The following CAPRIN1 variants were observed in gnomAD, a reference collection of about 807,000 sequenced individuals.
CAPRIN1 encodes caprin-1.
Under a neutral mutation model 100.9 loss-of-function variants are expected in CAPRIN1, and 29 were observed. The ratio of observed to expected loss-of-function variants is 0.29; its 90% CI spans 0.21 to 0.39. The LOEUF (loss-of-function observed/expected upper bound fraction) is 0.39, where lower values mean the gene tolerates loss of function less well. Ranked by LOEUF, CAPRIN1 falls within the 10% of genes least tolerant of loss-of-function variation. CAPRIN1 has a pLI of 1.00. For synonymous variants in CAPRIN1, 338 were observed against 307.5 expected, an observed-to-expected ratio of 1.10 and a Z score of -1.04; for missense variants, 795 against 876.7, an observed-to-expected ratio of 0.91 and a Z score of 1.18.
At chr11:34,075,001 A>G (rs928550227) in intron 4 of CAPRIN1, among the ~76,000 whole-genome samples, 4 of 152,188 alleles carry the variant, frequency 2.6e-5, no homozygotes, top group African/African-American at 9.7e-5. Context: ...AGCCTTGGAA[A>G]CATAGACCTT....
chr11:34,055,863 T>G (rs1447907314), intron 2 of CAPRIN1: 1 of 152,210 alleles, frequency 6.6e-6, no homozygotes, highest in Non-Finnish European at 1.5e-5. Context: ...TGTTAAGTAG[T>G]TAAGTTGGCA....
chr11:34,069,106 T>A (rs1023189074), intron 2 of CAPRIN1, among the ~76,000 whole-genome samples: 1 of 151,528 alleles, frequency 6.6e-6, no homozygotes, highest in Non-Finnish European at 1.5e-5. Context: ...GATTATAATA[T>A]TATTATTTTG....
chr11:34,071,586 TAAACTG>T (rs1398258256), intron 2 of CAPRIN1, 134 bp from the exon 3 acceptor site: 2 of 634,638 alleles, frequency 3.2e-6, no homozygotes, highest in East Asian at 5.7e-5. Context: ...TTTATGTACT[TAAACTG>T]GAATATATCT....
At chr11:34,060,580 C>G (rs1253220949) in intron 2 of CAPRIN1, among the ~76,000 whole-genome samples, 1 of 152,198 alleles carries the variant, frequency 6.6e-6, no homozygotes, top group African/African-American at 2.4e-5. Flanking sequence ...TGGGCTTACA[C>G]TTTGAGTTAC....
intron 1 of CAPRIN1, 107 bp from the exon 2 acceptor site, chr11:34,052,314 G>A (rs1372157976): frequency 1.2e-5 from 11 of 950,674 alleles, no homozygotes; most frequent in African/African-American, 3.4e-5. Flanking sequence ...GCTCGCGTAG[G>A]CTACCGCTCG....
chr11:34,057,219 TGC>T (rs1324828603), intron 2 of CAPRIN1, among the ~76,000 whole-genome samples: 1 of 152,254 alleles, frequency 6.6e-6, no homozygotes, highest in Non-Finnish European at 1.5e-5. Flanking sequence ...TCTTCTGCAA[TGC>T]AGAGGGCAAG....
At chr11:34,067,866 C>T (rs2134098830) in intron 2 of CAPRIN1, among the ~76,000 whole-genome samples, 1 of 152,204 alleles carries the variant, frequency 6.6e-6, no homozygotes, top group Non-Finnish European at 1.5e-5. Context: ...TCATAATGTT[C>T]CATGAAGATG....
chr11:34,099,306 G>A lies in CAPRIN1; in HGVS notation c.2069G>A (p.Arg690His), dbSNP rs939304200. 5 of 1,613,326 alleles carry A rather than the reference G, an allele frequency of 3.1e-6. No homozygotes were observed. Among genetic ancestry groups the A allele is most frequent in the African/African-American group, 1.3e-5 (1 of 74,886 alleles). Residue 690 changes from arginine (R) to histidine (H), a missense_variant, in exon 19 of 19, where the codon CGT (arginine) becomes CAT (histidine). Physicochemically the swap from Arg to His is conservative, Grantham distance 29. This residue lies in a region of CAPRIN1 where 648 missense variants were observed against 697.9 expected (regional missense o/e 0.93). Transcript: ENST00000341394. ...AAATGCCATTTTTGTCTTCTAGGTC[G>A]TGGAGGGCCCCCAAGACCCAACAGA... ...QSGPRGAPRG[R>H]GGPPRPNRGM...
In CAPRIN1 at chr11:34,097,191, T is replaced by G; in HGVS notation, c.1901-5T>G. ...AATTATTTCTTTTCTTGTCCTAAAT[T>G]TTAGGAGGATATGATGGTTACCGCC... On this transcript the variant is annotated splice_region_variant and splice_polypyrimidine_tract_variant and intron_variant, in intron 16 of 18. Transcript: ENST00000341394. 1 of 1,598,248 alleles carries G rather than the reference T, an allele frequency of 6.3e-7. No individual in the cohort carries two copies.
intron 9 of CAPRIN1, among the ~76,000 whole-genome samples, chr11:34,085,571 A>G (rs776934940): frequency 2.6e-5 from 4 of 152,204 alleles, no homozygotes; most frequent in Non-Finnish European, 5.9e-5. Context: ...TGGGATGCCA[A>G]GGCGGGTGGG....
chr11:34,096,630 A>G lies in CAPRIN1; in HGVS notation c.1857A>G (p.Arg619=). The G allele has an allele frequency of 6.2e-7, 1 of 1,610,672 alleles. No individual in the cohort carries two copies. Among genetic ancestry groups the G allele is most frequent in the African/African-American group, 1.3e-5 (1 of 74,966 alleles). ...CTCGTGGAGGCTCCCGTGGTGCTAGAGGCTTGATGAATGGATACCGGGGCC... is the reference window on the plus strand; with the variant it reads ...CTCGTGGAGGCTCCCGTGGTGCTAGGGGCTTGATGAATGGATACCGGGGCC... The part of the protein sequence containing the change: ...GVSRGGSRGA[R]GLMNGYRGPA... The change falls in exon 16 of 19, where the codon AGA becomes AGG. Residue 619 remains arginine (R), a synonymous_variant. Coordinates refer to ENST00000341394, the MANE Select transcript of CAPRIN1 (RefSeq NM_005898.5).
intron 4 of CAPRIN1, among the ~76,000 whole-genome samples, chr11:34,075,446 G>A (rs1397118792): frequency 3.3e-5 from 5 of 152,164 alleles, no homozygotes; most frequent in African/African-American, 1.2e-4. Flanking sequence ...TTTCCTTTCA[G>A]CCTTTCCAGG....
chr11:34,063,969 T>C (rs1449375412), intron 2 of CAPRIN1, among the ~76,000 whole-genome samples: 2 of 152,132 alleles, frequency 1.3e-5, no homozygotes, highest in Non-Finnish European at 2.9e-5. Context: ...GGTTTCTCCA[T>C]GTTGGTCAGG....
At chr11:34,089,709 C>T (rs1005655913) in intron 12 of CAPRIN1, among the ~76,000 whole-genome samples, 2 of 152,150 alleles carry the variant, frequency 1.3e-5, no homozygotes, top group Non-Finnish European at 2.9e-5. Flanking sequence ...GTGTCCAAGT[C>T]TTCTGTTGGA....
chr11:34,054,833 CATAAA>C (rs1216383339), intron 2 of CAPRIN1, among the ~76,000 whole-genome samples: 2 of 152,044 alleles, frequency 1.3e-5, no homozygotes, highest in African/African-American at 4.8e-5. Context: ...AGTAATTGAA[CATAAA>C]ATATTAATGA....
intron 2 of CAPRIN1, chr11:34,053,160 G>C: frequency 2.0e-6 from 2 of 987,878 alleles, no homozygotes; most frequent in Non-Finnish European, 2.4e-6. Flanking sequence ...TCTTCCGTAG[G>C]AGAGAAGTGT....
At chr11:34,089,981 G>A (rs918083299) in intron 12 of CAPRIN1, 198 bp from the exon 13 acceptor site, 5 of 348,406 alleles carry the variant, frequency 1.4e-5, no homozygotes, top group Admixed American at 4.4e-5. Context: ...ATTTAACGTC[G>A]AGCTTCAAAA....
chr11:34,080,412 GTCT>G (rs1851004674), intron 7 of CAPRIN1, among the ~76,000 whole-genome samples: 3 of 152,160 alleles, frequency 2.0e-5, no homozygotes, highest in Admixed American at 6.6e-5. Context: ...ATAGGTTTCT[GTCT>G]GACATGCCCA....
At chr11:34,091,444 G>C (rs1380934234) in intron 14 of CAPRIN1, among the ~76,000 whole-genome samples, 1 of 152,068 alleles carries the variant, frequency 6.6e-6, no homozygotes, top group Non-Finnish European at 1.5e-5. Flanking sequence ...AAGCCACCAT[G>C]CCCAGCTAAT....
Sources: allele counts gnomAD v4.1 joint callset (sites outside exome capture counted in the v4.1 genomes callset), GRCh38; gene constraint gnomAD v4.1.1; regional missense constraint gnomAD v4.1.1; transcripts MANE v1.5; gene names NCBI Gene and HGNC (gene_info 2026-07-23, HGNC 2026-07-21).